Variants in CRTAC1 observed in about 807,000 individuals in gnomAD.
CRTAC1 encodes acidic secreted protein in cartilage.
In CRTAC1, 37 loss-of-function variants were observed where a neutral mutation model predicts 67.8. That is an observed-to-expected ratio of 0.55 (90% confidence interval 0.42 to 0.72). The LOEUF (loss-of-function observed/expected upper bound fraction) is 0.72. Among genes scored for constraint, CRTAC1 ranks in the 30% least tolerant of loss-of-function variants. CRTAC1 has a pLI of 0.00. For synonymous variants in CRTAC1, 348 were observed against 371.0 expected (o/e 0.94, Z 0.71); for missense variants, 780 against 931.6 (o/e 0.84, Z 2.12).
intron 2 of CRTAC1, among the ~76,000 whole-genome samples, chr10:97,943,443 T>C (rs910471344): frequency 2.6e-5 from 4 of 152,248 alleles, no homozygotes; most frequent in Admixed American, 6.5e-5. Flanking sequence ...CTCTGAGATA[T>C]GATCATAGAG....
At chr10:97,943,743 T>C (rs994647111) in intron 2 of CRTAC1, among the ~76,000 whole-genome samples, 1 of 152,256 alleles carries the variant, frequency 6.6e-6, no homozygotes, top group Non-Finnish European at 1.5e-5. Flanking sequence ...TATGGTTTTA[T>C]TGGAATGCAG....
chr10:97,894,711 C>T lies in CRTAC1; in HGVS notation c.1486+534G>A, dbSNP rs11189422. On this transcript the variant is annotated intron_variant, in intron 11 of 14. Coordinates refer to ENST00000370597, the MANE Select transcript of CRTAC1 (RefSeq NM_018058.7). Reference sequence around the variant, plus strand: ...CTGTGCCCAGCCCCTGATGCTTTTACATATATATATATATATATATATATA... The same window carrying T: ...CTGTGCCCAGCCCCTGATGCTTTTATATATATATATATATATATATATATA... 5.0e-3 allele frequency among the ~76,000 whole-genome samples: 300 copies of T among 59,914 alleles called. 11 individuals carry two copies. Among genetic ancestry groups the T allele is most frequent in the Middle Eastern group, 0.02 (2 of 98 alleles). The allele number at this position is 59,914 out of a possible 152,430, so 39.3% of individuals were successfully genotyped here. A position where few individuals can be genotyped will look rare whatever the true frequency, so the allele number is the denominator to read the frequency against.
intron 3 of CRTAC1, among the ~76,000 whole-genome samples, chr10:97,935,942 C>T (rs1305561437): frequency 6.6e-6 from 1 of 152,158 alleles, no homozygotes; most frequent in Non-Finnish European, 1.5e-5. Flanking sequence ...TCTGCTCACC[C>T]TGTCCATCTC....
intron 5 of CRTAC1, among the ~76,000 whole-genome samples, chr10:97,913,944 C>G (rs899151730): frequency 6.6e-6 from 1 of 152,246 alleles, no homozygotes; most frequent in South Asian, 2.1e-4. Flanking sequence ...GATCTGCCCT[C>G]CGCTTTGTTC....
At chr10:97,996,426 C>T (rs1339789240) in intron 2 of CRTAC1, among the ~76,000 whole-genome samples, 17 of 151,838 alleles carry the variant, frequency 1.1e-4, no homozygotes, top group South Asian at 4.2e-4. Flanking sequence ...GGGCAAAGGA[C>T]GTGAACAGAC....
At chr10:98,006,028 A>G (rs368187164) in intron 2 of CRTAC1, among the ~76,000 whole-genome samples, 7 of 152,354 alleles carry the variant, frequency 4.6e-5, no homozygotes, top group African/African-American at 7.2e-5. Flanking sequence ...AAATGGATCC[A>G]AATCATGATT....
chr10:97,976,991 A>G (rs1424782904), intron 2 of CRTAC1, among the ~76,000 whole-genome samples: 1 of 152,220 alleles, frequency 6.6e-6, no homozygotes, highest in Non-Finnish European at 1.5e-5. Context: ...AAAGGTGTGA[A>G]GTATGTATTC....
chr10:98,012,189 T>C (rs755140072), intron 1 of CRTAC1, among the ~76,000 whole-genome samples: 13 of 152,242 alleles, frequency 8.5e-5, no homozygotes, highest in Non-Finnish European at 1.3e-4. Flanking sequence ...TAATGCATTG[T>C]ATAATTCATT....
At chr10:97,952,605 T>C (rs2051376053) in intron 2 of CRTAC1, among the ~76,000 whole-genome samples, 1 of 149,122 alleles carries the variant, frequency 6.7e-6, no homozygotes, top group South Asian at 2.1e-4. Context: ...CTGATTAGAA[T>C]TGCTAGACCT....
At chr10:97,981,603 C>A (rs999553595) in intron 2 of CRTAC1, among the ~76,000 whole-genome samples, 23 of 152,266 alleles carry the variant, frequency 1.5e-4, no homozygotes, top group African/African-American at 5.5e-4. Context: ...TAGCCTTGCA[C>A]ATAATTTTCT....
rs1564943473 is a variant in CRTAC1 at position 98,030,192 on chromosome 10, C to G, written c.24+257G>C. ...TCTGCCAGCTGCTGGCTGTCGCCCCCACACATCAGCTCCCACCTCTCCGCC... is the reference window on the plus strand; with the variant it reads ...TCTGCCAGCTGCTGGCTGTCGCCCCGACACATCAGCTCCCACCTCTCCGCC... On this transcript the variant is annotated intron_variant, in intron 1 of 14. Transcript: ENST00000370597. The surrounding 1 kb of genome is among the most constrained non-coding windows in gnomAD (Gnocchi z 4.2). 6.6e-6 allele frequency among the ~76,000 whole-genome samples: 1 copy of G among 151,812 alleles called. No individual in the cohort carries two copies. The highest frequency in any genetic ancestry group is 1.5e-5 in the Non-Finnish European group (1 of 67,880).
At chr10:97,943,978 T>C (rs887539583) in intron 2 of CRTAC1, among the ~76,000 whole-genome samples, 14 of 151,804 alleles carry the variant, frequency 9.2e-5, no homozygotes, top group Non-Finnish European at 2.1e-4. Context: ...TAGAATAAGG[T>C]TTAGTAAAAA....
chr10:97,875,863 C>T (rs1176316982), intron 14 of CRTAC1: 1 of 152,236 alleles, frequency 6.6e-6, no homozygotes, highest in African/African-American at 2.4e-5. Flanking sequence ...TAATCAAACT[C>T]CTGGCCCTCA....
intron 5 of CRTAC1, among the ~76,000 whole-genome samples, chr10:97,915,870 C>T (rs1430361122): frequency 6.6e-6 from 1 of 152,148 alleles, no homozygotes; most frequent in Non-Finnish European, 1.5e-5. Context: ...CCCCAGCCTC[C>T]CTCTGTTCCT....
intron 1 of CRTAC1, among the ~76,000 whole-genome samples, chr10:98,018,840 C>T (rs1368521364): frequency 1.3e-5 from 2 of 152,112 alleles, no homozygotes; most frequent in African/African-American, 2.4e-5. Flanking sequence ...CAGGCTGGGC[C>T]ACCAGCTCCA....
At chr10:98,002,115 G>A (rs914908596) in intron 2 of CRTAC1, among the ~76,000 whole-genome samples, 1 of 152,216 alleles carries the variant, frequency 6.6e-6, no homozygotes, top group Non-Finnish European at 1.5e-5. Flanking sequence ...AGGTCCTTCA[G>A]CCAGCCCACC....
intron 2 of CRTAC1, among the ~76,000 whole-genome samples, chr10:97,945,680 T>C (rs2051252846): frequency 1.3e-5 from 2 of 152,084 alleles, no homozygotes; most frequent in Non-Finnish European, 2.9e-5. Flanking sequence ...AAAATAACAA[T>C]AACAAAATCA....
intron 8 of CRTAC1, among the ~76,000 whole-genome samples, chr10:97,898,650 G>A (rs780940927): frequency 2.9e-4 from 44 of 152,186 alleles, no homozygotes; most frequent in South Asian, 2.1e-4. Context: ...GAAGGTTTTC[G>A]GTGGGAAAGG....
chr10:97,977,858 C>T lies in CRTAC1; in HGVS notation c.224+33280G>A, dbSNP rs920251271. ...AATATGCTGTGATCATCAGTATGTA[C>T]GGCCTGAGCTGAGGCTGTGCCTAAG... On this transcript the variant is annotated intron_variant, in intron 2 of 14. Coordinates refer to ENST00000370597, the MANE Select transcript of CRTAC1 (RefSeq NM_018058.7). Among the ~76,000 whole-genome samples, 15 of 152,216 alleles carry T rather than the reference C, an allele frequency of 9.9e-5. No individual in the cohort carries two copies. The South Asian group carries it at 2.7e-3, about 27-fold the overall frequency.
Sources: gnomAD v4.1 joint callset for allele counts (sites outside exome capture counted in the v4.1 genomes callset) on GRCh38, gnomAD v4.1.1 for gene constraint, Gnocchi (gnomAD v3.1) non-coding constraint, MANE v1.5 for transcripts, NCBI Gene and HGNC (gene_info 2026-07-23, HGNC 2026-07-21) for gene names.